Variants in ABCC1 observed in about 807,000 individuals in gnomAD.
ABCC1 encodes the protein multidrug resistance-associated protein 1.
In ABCC1, 83 loss-of-function variants were observed where a neutral mutation model predicts 172.9. The observed-to-expected ratio is 0.48, with a 90% CI of 0.40 to 0.58. ABCC1 has a LOEUF of 0.58. Ranked by LOEUF, ABCC1 falls within the 20% of genes least tolerant of loss-of-function variation. The pLI is 0.00. For missense variants in ABCC1, 1,817 were observed against 2,002.7 expected (o/e 0.91, Z 1.77); for synonymous variants, 937 against 825.2 (o/e 1.14, Z -2.32).
intron 23 of ABCC1, among the ~76,000 whole-genome samples, chr16:16,120,070 T>C (rs1419245381): frequency 6.6e-6 from 1 of 152,096 alleles, no homozygotes; most frequent in Non-Finnish European, 1.5e-5. Context: ...ACTCTCCATC[T>C]GTGGGTTGCA....
chr16:16,041,564 C>T (rs943651269), intron 7 of ABCC1, among the ~76,000 whole-genome samples: 4 of 152,116 alleles, frequency 2.6e-5, no homozygotes, highest in African/African-American at 9.7e-5. Flanking sequence ...GCACCTGTAA[C>T]CCCTGTGAAC....
chr16:15,985,552 C>T (rs1026687709), intron 1 of ABCC1, among the ~76,000 whole-genome samples: 1 of 152,086 alleles, frequency 6.6e-6, no homozygotes, highest in Non-Finnish European at 1.5e-5. Flanking sequence ...TCAAGTGATT[C>T]TCCTGCCCCA....
In ABCC1 at chr16:16,124,898, G is replaced by A. The variant is rs528400418; in HGVS notation, c.3700G>A (p.Val1234Met). 2 of 1,614,240 alleles carry A rather than the reference G, an allele frequency of 1.2e-6. No homozygotes were observed. The highest frequency in any genetic ancestry group is 1.1e-5 in the South Asian group (1 of 91,088). Residue 1234 changes from valine (V) to methionine (M), a missense_variant, in exon 25 of 31, where the codon GTG becomes ATG. Physicochemically the swap from Val to Met is conservative, Grantham distance 21. Around this residue, in one of 3 missense-constraint regions of ABCC1, gnomAD observed 1,412 missense variants for 1,600.3 expected, o/e 0.88. Coordinates refer to ENST00000399410, the MANE Select transcript of ABCC1 (RefSeq NM_004996.4). Reference protein sequence around the residue: ...SLSAGLVGLSVSYSLQVTTYL... With the variant: ...SLSAGLVGLSMSYSLQVTTYL... ...CAGTGCTGGCTTGGTGGGCCTCTCA[G>A]TGTCTTACTCATTGCAGGTAAGAGG...
At chr16:15,999,769 T>TCTCTCTCTCTCTCTC (rs2047186174) in intron 1 of ABCC1, among the ~76,000 whole-genome samples, 2 of 25,364 alleles carry the variant, frequency 7.9e-5, no homozygotes, top group East Asian at 1.5e-3. Flanking sequence ...CCCGGCCTCT[T>TCTCTCTCTCTCTCTC]TCTCTCTCTC....
chr16:16,090,488 G>A lies in ABCC1; in HGVS notation c.2544G>A (p.Glu848=). The part of the protein sequence containing the change: ...IIVMSGGKIS[E]MGSYQELLAR... ...TCATGAGTGGCGGCAAGATCTCTGA[G>A]ATGGGCTCCTACCAGGAGCTGCTGG... is the stretch of plus-strand genomic sequence containing the variant. Residue 848 remains glutamate (E), a synonymous_variant, in exon 19 of 31, where the codon GAG becomes GAA. Coordinates refer to ENST00000399410, the MANE Select transcript of ABCC1 (RefSeq NM_004996.4). 1.2e-6 allele frequency: 2 copies of A among 1,613,950 alleles called. No homozygotes were observed. Among genetic ancestry groups the A allele is most frequent in the Non-Finnish European group, 1.7e-6 (2 of 1,179,996 alleles).
At chr16:16,137,600 C>T (rs2045965394) in intron 29 of ABCC1, among the ~76,000 whole-genome samples, 1 of 136,696 alleles carries the variant, frequency 7.3e-6, no homozygotes, top group Non-Finnish European at 1.5e-5. Flanking sequence ...CTCTATCACC[C>T]AGGCTGGAGT....
intron 19 of ABCC1, among the ~76,000 whole-genome samples, chr16:16,095,438 G>T (rs932211026): frequency 1.3e-5 from 2 of 152,230 alleles, no homozygotes; most frequent in Non-Finnish European, 2.9e-5. Flanking sequence ...CTGGAGTGGG[G>T]TTTGCCCCTG....
intron 1 of ABCC1, among the ~76,000 whole-genome samples, chr16:15,956,123 C>G (rs2045992108): frequency 6.6e-6 from 1 of 152,146 alleles, no homozygotes; most frequent in African/African-American, 2.4e-5. Flanking sequence ...CCTGTAATCT[C>G]AGCACTTTGG....
intron 12 of ABCC1, among the ~76,000 whole-genome samples, chr16:16,057,382 T>A (rs1371055354): frequency 4.1e-5 from 6 of 145,852 alleles, no homozygotes; most frequent in Non-Finnish European, 6.1e-5. Flanking sequence ...AAAAAAAAAA[T>A]AAGTAAAATA....
At chr16:16,136,293 G>C (rs967647446) in intron 28 of ABCC1, among the ~76,000 whole-genome samples, 185 bp from the exon 29 acceptor site, 1 of 152,138 alleles carries the variant, frequency 6.6e-6, no homozygotes, top group South Asian at 2.1e-4. Context: ...CAAAGTGCTG[G>C]GATTACAGGC....
intron 1 of ABCC1, among the ~76,000 whole-genome samples, chr16:16,007,444 C>T (rs978160648): frequency 3.3e-5 from 5 of 152,096 alleles, no homozygotes; most frequent in African/African-American, 9.7e-5. Context: ...AGGCTGGTCT[C>T]GAACTCCCAG....
intron 28 of ABCC1, among the ~76,000 whole-genome samples, chr16:16,135,212 C>T (rs879300379): frequency 7.9e-5 from 12 of 152,146 alleles, no homozygotes; most frequent in African/African-American, 1.9e-4. Flanking sequence ...AGGCTTGTTA[C>T]GTGGGTATAT....
chr16:16,085,569 C>G (rs2050974931), intron 17 of ABCC1, among the ~76,000 whole-genome samples: 1 of 152,230 alleles, frequency 6.6e-6, no homozygotes, highest in African/African-American at 2.4e-5. Flanking sequence ...TGTCTGAGGT[C>G]AGGAGTTCGA....
intron 15 of ABCC1, 75 bp from the exon 16 acceptor site, chr16:16,079,277 G>T (rs2050709438): frequency 6.3e-7 from 1 of 1,579,474 alleles, no homozygotes; most frequent in African/African-American, 1.4e-5. Context: ...GGTAAATTGA[G>T]GCTCGGTGGC....
chr16:16,076,448 G>A (rs771646676), intron 15 of ABCC1, 47 bp downstream of exon 15: 8 of 1,520,426 alleles, frequency 5.3e-6, no homozygotes, highest in Non-Finnish European at 6.2e-6. Flanking sequence ...AGAGCCACAG[G>A]GCTTTTGTTA....
At chr16:16,105,689 T>G (rs1407302249) in intron 20 of ABCC1, among the ~76,000 whole-genome samples, 2 of 150,610 alleles carry the variant, frequency 1.3e-5, no homozygotes, top group African/African-American at 4.9e-5. Flanking sequence ...TTGCATGGTC[T>G]CCATAATTTC....
intron 19 of ABCC1, among the ~76,000 whole-genome samples, chr16:16,093,468 C>G (rs1056407968): frequency 2.0e-5 from 3 of 152,038 alleles, no homozygotes; most frequent in Non-Finnish European, 4.4e-5. Context: ...TTTTTGTACA[C>G]ATCAGCACTT....
At chr16:16,036,416 C>T (rs1233172636) in intron 6 of ABCC1, 56 bp from the exon 7 acceptor site, 3 of 1,556,542 alleles carry the variant, frequency 1.9e-6, no homozygotes, top group African/African-American at 2.7e-5. Context: ...GCCCCGTCCT[C>T]CCCCTCCTCC....
At chr16:16,126,654 G>A (rs2045451172) in intron 26 of ABCC1, among the ~76,000 whole-genome samples, 1 of 152,158 alleles carries the variant, frequency 6.6e-6, no homozygotes, top group African/African-American at 2.4e-5. Context: ...CAAAGTGCTG[G>A]GATTACAGGC....
Sources: allele counts gnomAD v4.1 joint callset (sites outside exome capture counted in the v4.1 genomes callset), GRCh38; gene constraint gnomAD v4.1.1; regional missense constraint gnomAD v4.1.1; transcripts MANE v1.5; gene names NCBI Gene and HGNC (gene_info 2026-07-23, HGNC 2026-07-21).